The following ELN variants were observed in gnomAD, a reference collection of about 807,000 sequenced individuals.
ELN encodes elastin.
In ELN, 65 loss-of-function variants were observed where a neutral mutation model predicts 105.8. That is an observed-to-expected ratio of 0.61 (90% CI 0.50 to 0.75). The LOEUF is 0.75. Among genes scored for constraint, ELN ranks in the 30% least tolerant of loss-of-function variants. The pLI is 0.00. For missense variants in ELN, 882 were observed against 969.4 expected (o/e 0.91, Z 1.20); for synonymous variants, 368 against 389.2 (o/e 0.95, Z 0.64).
Position 74,059,784 on chromosome 7 carries a change from C to T in ELN, c.1415-102C>T, listed in dbSNP as rs1796188013. On this transcript the variant is annotated intron_variant, in intron 22 of 32. Coordinates refer to ENST00000252034, the MANE Select transcript of ELN (RefSeq NM_000501.4). ...GGAAAGTAACTGATCCAGGGTCACA[C>T]AGCAAATCTATGCCAGGGCCGAGGC... 1.0e-5 allele frequency: 8 copies of T among 790,894 alleles called. No homozygotes were observed. The South Asian group carries it at 1.1e-4, about 11-fold the overall frequency. 49.0% of individuals were successfully genotyped at this position (790,894 alleles called of 1,614,324 possible). A position where few individuals can be genotyped will look rare whatever the true frequency, so the allele number is the denominator to read the frequency against.
At chr7:74,056,846 A>G in intron 21 of ELN, 133 bp downstream of exon 21, 2 of 1,159,784 alleles carry the variant, frequency 1.7e-6, no homozygotes, top group South Asian at 1.3e-5. Context: ...CCCCTGCCCC[A>G]TCTTCCAAAG....
At chr7:74,049,378 T>C (rs1403840521) in intron 15 of ELN, among the ~76,000 whole-genome samples, 16 of 124,992 alleles carry the variant, frequency 1.3e-4, no homozygotes, top group South Asian at 2.7e-4. Context: ...ATCCATCCAT[T>C]CCTCCATGCA....
chr7:74,057,997 C>A (rs1042259556), intron 22 of ELN, among the ~76,000 whole-genome samples: 2 of 151,982 alleles, frequency 1.3e-5, no homozygotes, highest in Non-Finnish European at 2.9e-5. Context: ...TTGAGGGACT[C>A]CAGTTCTCCC....
Position 74,063,621 on chromosome 7 carries a change from G to A in ELN, c.1919G>A (p.Gly640Asp). ...AKAAAKAAQF[G>D]LVGAAGLGGL... ...GTCTAATGCTCAGCTGTCTCCACAGGCCTAGTGGGAGCCGCTGGGCTCGGA... is the reference window on the plus strand; with the variant it reads ...GTCTAATGCTCAGCTGTCTCCACAGACCTAGTGGGAGCCGCTGGGCTCGGA... Residue 640 changes from glycine (G) to aspartate (D), a missense_variant and splice_region_variant, in exon 29 of 33, where the codon GGC becomes GAC. Gly to Asp is a moderately conservative substitution (Grantham distance 94). Coordinates refer to ENST00000252034, the MANE Select transcript of ELN (RefSeq NM_000501.4). The surrounding 1 kb of genome is among the most constrained non-coding windows in gnomAD (Gnocchi z 4.1). 2.5e-6 allele frequency: 4 copies of A among 1,614,196 alleles called. No homozygotes were observed. Among genetic ancestry groups the A allele is most frequent in the Non-Finnish European group, 3.4e-6 (4 of 1,180,044 alleles).
At chr7:74,030,321 C>T (rs972877051) in intron 1 of ELN, among the ~76,000 whole-genome samples, 3 of 152,064 alleles carry the variant, frequency 2.0e-5, no homozygotes, top group Admixed American at 1.3e-4. Flanking sequence ...GCAAGTTCAG[C>T]GGCTCCAAGG....
At chr7:74,037,259 T>C (rs183183865) in intron 3 of ELN, among the ~76,000 whole-genome samples, 2 of 151,776 alleles carry the variant, frequency 1.3e-5, no homozygotes, top group East Asian at 3.9e-4. Flanking sequence ...AGTGGCGCGA[T>C]CTCAGCTCAC....
chr7:74,031,723 C>T (rs1788684293), intron 1 of ELN, among the ~76,000 whole-genome samples: 1 of 150,932 alleles, frequency 6.6e-6, no homozygotes, highest in Admixed American at 6.6e-5. Context: ...TTGAGACCAG[C>T]CTGGGCAACA....
chr7:74,060,405 C>T lies in ELN; in HGVS notation c.1651C>T (p.Pro551Ser). The T allele has an allele frequency of 6.2e-7, 1 of 1,614,062 alleles. No homozygotes were observed. Among genetic ancestry groups the T allele is most frequent in the South Asian group, 1.1e-5 (1 of 91,076 alleles). Residue 551 changes from proline to serine, a missense_variant, in exon 25 of 33, where the codon CCT becomes TCT. By Grantham distance (74) the Pro-to-Ser change is moderately conservative (BLOSUM62 -1). Coordinates refer to ENST00000252034, the MANE Select transcript of ELN (RefSeq NM_000501.4). ...RAAAGLGAGI[P>S]GLGVGVGVPG... ...TGCAGCTGGGCTTGGTGCTGGCATC[C>T]CTGGACTTGGAGTTGGTGTCGGCGT...
In ELN at chr7:74,045,237, G is replaced by A; in HGVS notation, c.485G>A (p.Gly162Asp). The A allele has an allele frequency of 1.9e-6, 3 of 1,614,152 alleles. No individual in the cohort carries two copies. Among genetic ancestry groups the A allele is most frequent in the Non-Finnish European group, 1.7e-6 (2 of 1,180,028 alleles). Residue 162 changes from glycine to aspartate, a missense_variant, in exon 10 of 33, where the codon GGT becomes GAT. Transcript: ENST00000252034. Reference protein sequence around the residue: ...GGVLPGARFPGVGVLPGVPTG... With the variant: ...GGVLPGARFPDVGVLPGVPTG... ...CCCCCGGCAGGAGCTCGGTTCCCCG[G>A]TGTGGGGGTGCTCCCTGGAGTTCCC...
chr7:74,054,624 C>T (rs1376725809), intron 18 of ELN, 92 bp from the exon 19 acceptor site: 1 of 1,319,522 alleles, frequency 7.6e-7, no homozygotes. Context: ...AAGGAGATGG[C>T]CCAACACACA....
intron 1 of ELN, among the ~76,000 whole-genome samples, chr7:74,033,130 A>T (rs782402447): frequency 9.2e-5 from 14 of 152,212 alleles, no homozygotes; most frequent in Non-Finnish European, 1.6e-4. Context: ...CATGTCACAA[A>T]AAAGGAAACC....
intron 22 of ELN, among the ~76,000 whole-genome samples, chr7:74,057,899 G>T (rs1225582783): frequency 6.6e-6 from 1 of 152,136 alleles, no homozygotes; most frequent in African/African-American, 2.4e-5. Flanking sequence ...GGGGAGCAGG[G>T]TGAGCAGTGT....
rs571800665 is a variant in ELN at position 74,039,674 on chromosome 7, G to A, written c.197-1542G>A. On this transcript the variant is annotated intron_variant, in intron 4 of 32. Coordinates refer to ENST00000252034, the MANE Select transcript of ELN (RefSeq NM_000501.4). The stretch of plus-strand genomic sequence containing the variant: ...CCTGAGCACTAGCCAGAGGCCAGCC[G>A]CCCACTGAGAGGGGCACGGGCATGG... 2.0e-5 allele frequency among the ~76,000 whole-genome samples: 3 copies of A among 152,364 alleles called. No individual in the cohort carries two copies. In the South Asian group the frequency reaches 6.2e-4, roughly 32 times the overall value.
chr7:74,061,206 G>A, intron 26 of ELN, 67 bp downstream of exon 26: 21 of 1,606,490 alleles, frequency 1.3e-5, no homozygotes, highest in Non-Finnish European at 1.8e-5. Context: ...CACAGGACTG[G>A]GGTGGTCACA....
chr7:74,040,230 T>C (rs1554667711), intron 4 of ELN, among the ~76,000 whole-genome samples: 1 of 152,240 alleles, frequency 6.6e-6, no homozygotes, highest in Non-Finnish European at 1.5e-5. Context: ...GGTCTGAGCA[T>C]GTCCCTTGCC....
intron 15 of ELN, among the ~76,000 whole-genome samples, chr7:74,051,401 G>A (rs1793997062): frequency 6.6e-6 from 1 of 152,240 alleles, no homozygotes; most frequent in African/African-American, 2.4e-5. Flanking sequence ...TACAAACTTG[G>A]CTGCATCTTC....
At chr7:74,068,570 C>G (rs1368614668) in intron 32 of ELN, 87 bp from the exon 33 acceptor site, 1 of 1,545,110 alleles carries the variant, frequency 6.5e-7, no homozygotes, top group African/African-American at 1.4e-5. Context: ...CTTGGAGCCT[C>G]CATTCGAGTG....
chr7:74,059,709 G>A, intron 22 of ELN, 177 bp from the exon 23 acceptor site: 1 of 719,322 alleles, frequency 1.4e-6, no homozygotes, highest in African/African-American at 1.7e-5. Context: ...ATGAACTCCT[G>A]AGCCTGCACA....
chr7:74,051,662 G>A, intron 15 of ELN, 88 bp from the exon 16 acceptor site: 1 of 1,482,920 alleles, frequency 6.7e-7, no homozygotes, highest in East Asian at 2.3e-5. Flanking sequence ...AGATCACACT[G>A]GTGAAAACGC....
Sources: allele counts gnomAD v4.1 joint callset (sites outside exome capture counted in the v4.1 genomes callset), GRCh38; gene constraint gnomAD v4.1.1; non-coding constraint Gnocchi (gnomAD v3.1); transcripts MANE v1.5; gene names NCBI Gene and HGNC (gene_info 2026-07-23, HGNC 2026-07-21).